Variants in SP4 observed in about 807,000 individuals in gnomAD.
The protein encoded by SP4 is transcription factor Sp4.
A neutral mutation model predicts 72.8 loss-of-function variants in SP4; 19 were observed. The observed-to-expected ratio is 0.26, with a 90% CI of 0.18 to 0.38. SP4 has a LOEUF of 0.38. Ranked by LOEUF, SP4 falls within the 10% of genes least tolerant of loss-of-function variation. The probability of loss-of-function intolerance (pLI) is 1.00; values close to 1 mark genes in which losing one functional copy is unlikely to be tolerated. For synonymous variants in SP4, 395 were observed against 333.1 expected (o/e 1.19, Z -2.02); for missense variants, 1,008 against 926.3 (o/e 1.09, Z -1.14).
intron 3 of SP4, among the ~76,000 whole-genome samples, chr7:21,436,514 G>C (rs2282888): frequency 6.6e-6 from 1 of 152,078 alleles, no homozygotes; most frequent in African/African-American, 2.4e-5. Flanking sequence ...TGTTTTTACT[G>C]TTTGAAGTGA....
chr7:21,434,899 A>C (rs1363202527), intron 3 of SP4, among the ~76,000 whole-genome samples: 2 of 151,966 alleles, frequency 1.3e-5, no homozygotes, highest in Admixed American at 1.3e-4. Context: ...ACCTTACTTT[A>C]AGCTCAAAGA....
intron 5 of SP4, among the ~76,000 whole-genome samples, chr7:21,500,200 G>A (rs1781829634): frequency 6.6e-6 from 1 of 152,084 alleles, no homozygotes; most frequent in Admixed American, 6.5e-5. Flanking sequence ...AGATTTTCAT[G>A]AAGAAATGAA....
At chr7:21,465,173 T>A (rs1198368035) in intron 3 of SP4, among the ~76,000 whole-genome samples, 1 of 152,010 alleles carries the variant, frequency 6.6e-6, no homozygotes, top group Admixed American at 6.5e-5. Flanking sequence ...AAAGAGGGTG[T>A]ATATCTTTGT....
chr7:21,465,364 T>C (rs138697782), intron 3 of SP4, among the ~76,000 whole-genome samples: 61 of 152,284 alleles, frequency 4.0e-4, no homozygotes, highest in African/African-American at 1.5e-3. Flanking sequence ...AAGGAGAGAA[T>C]ATAGCCAACC....
chr7:21,434,131 C>T (rs951628325), intron 3 of SP4, among the ~76,000 whole-genome samples: 2 of 151,988 alleles, frequency 1.3e-5, no homozygotes, highest in South Asian at 4.2e-4. Context: ...ATGTTGTTCC[C>T]CAGGAGAATG....
intron 3 of SP4, among the ~76,000 whole-genome samples, chr7:21,451,237 C>T (rs1349967107): frequency 6.6e-6 from 1 of 152,224 alleles, no homozygotes; most frequent in Non-Finnish European, 1.5e-5. Context: ...ACTCGTCCAA[C>T]TCCTGAGATC....
Position 21,428,198 on chromosome 7 carries a change from C to CCCCCCCCCCCA in SP4, c.-53_-52insCCCCCCCCCAC. Reference sequence around the variant, plus strand: ...CTCTCCTCCCGCCTCGCCCCCACCCCCACCCACCTCTATCCCAGTGTCTCC... The same window carrying CCCCCCCCCCCA: ...CTCTCCTCCCGCCTCGCCCCCACCCCCCCCCCCCCCACACCCACCTCTATCCCAGTGTCTCC... On this transcript the variant is annotated 5_prime_UTR_variant, in exon 1 of 6. Transcript: ENST00000222584. The CCCCCCCCCCCA allele has an allele frequency of 9.1e-7, 1 of 1,099,416 alleles. No homozygotes were observed. 68.1% of individuals were successfully genotyped at this position (1,099,416 alleles called of 1,614,324 possible).
intron 3 of SP4, among the ~76,000 whole-genome samples, chr7:21,448,990 C>T (rs552683227): frequency 5.2e-4 from 79 of 152,242 alleles, no homozygotes; most frequent in African/African-American, 1.8e-3. Flanking sequence ...CCGGGGTTAA[C>T]CATTTCCTAA....
chr7:21,499,822 G>A (rs55840028), intron 5 of SP4, among the ~76,000 whole-genome samples: 3,295 of 152,206 alleles, frequency 0.022, 122 homozygotes, highest in African/African-American at 0.074. Context: ...TTCATACATT[G>A]TCATAGCTTA....
At chr7:21,484,128 A>G (rs949560072) in intron 5 of SP4, among the ~76,000 whole-genome samples, 1 of 151,902 alleles carries the variant, frequency 6.6e-6, no homozygotes, top group African/African-American at 2.4e-5. Context: ...ATATAAAGTT[A>G]TTTAATTTGA....
At chr7:21,510,349 C>A (rs1025409556) in intron 5 of SP4, among the ~76,000 whole-genome samples, 5 of 151,972 alleles carry the variant, frequency 3.3e-5, no homozygotes, top group Non-Finnish European at 4.4e-5. Context: ...AACAAAAAGG[C>A]CTTTTTGTTT....
In SP4 at chr7:21,428,188, G is replaced by GGGGCCCCCCCCCCCCCCCC; in HGVS notation, c.-64_-63insGGGCCCCCCCCCCCCCCCC. The stretch of plus-strand genomic sequence containing the variant: ...CGGGACCGGCCTCTCCTCCCGCCTC[G>GGGGCCCCCCCCCCCCCCCC]CCCCCACCCCCACCCACCTCTATCC... On this transcript the variant is annotated 5_prime_UTR_variant, in exon 1 of 6. Coordinates refer to ENST00000222584, the MANE Select transcript of SP4 (RefSeq NM_003112.5). 2.7e-6 allele frequency: 1 copy of GGGGCCCCCCCCCCCCCCCC among 371,886 alleles called. No individual in the cohort carries two copies. Among genetic ancestry groups the GGGGCCCCCCCCCCCCCCCC allele is most frequent in the Non-Finnish European group, 5.0e-6 (1 of 198,076 alleles). 23.0% of individuals were successfully genotyped at this position (371,886 alleles called of 1,614,324 possible).
At chr7:21,492,485 A>C (rs962650246) in intron 5 of SP4, among the ~76,000 whole-genome samples, 19 of 152,212 alleles carry the variant, frequency 1.2e-4, no homozygotes, top group Admixed American at 1.1e-3. Context: ...CTCAGTCAGT[A>C]TGTATTCTGC....
At position 21,466,760 on chromosome 7, in the gene SP4, A is replaced by G. The variant is rs567352038; in HGVS notation, c.1679-10319A>G. Among the ~76,000 whole-genome samples the G allele has an allele frequency of 3.5e-4, 53 of 152,054 alleles. 2 individuals are homozygous for G. In the South Asian group the frequency reaches 0.01, roughly 30 times the overall value. On this transcript the variant is annotated intron_variant, in intron 3 of 5. Transcript: ENST00000222584. Reference sequence around the variant, plus strand: ...TCCATAAGGCAAAGAAGTATTTTGTAATTAATAAGCATAATTTTCAAATCT... The same window carrying G: ...TCCATAAGGCAAAGAAGTATTTTGTGATTAATAAGCATAATTTTCAAATCT...
chr7:21,471,507 C>T (rs1199217427), intron 3 of SP4, among the ~76,000 whole-genome samples: 1 of 152,178 alleles, frequency 6.6e-6, no homozygotes, highest in Non-Finnish European at 1.5e-5. Flanking sequence ...GGATGTTTTA[C>T]ATACCCCTGA....
chr7:21,438,296 A>G lies in SP4; in HGVS notation c.1678+7453A>G, dbSNP rs555644550. On this transcript the variant is annotated intron_variant, in intron 3 of 5. Transcript: ENST00000222584. ...ATATATATTTTATTTCGTTCTGGGT[A>G]CTTCCATCCAGCACATGGCCAGAGT... 1.1e-4 allele frequency among the ~76,000 whole-genome samples: 16 copies of G among 152,326 alleles called. No homozygotes were observed. In the South Asian group the frequency reaches 3.3e-3, roughly 32 times the overall value.
At chr7:21,470,882 T>G (rs922466922) in intron 3 of SP4, among the ~76,000 whole-genome samples, 2 of 152,154 alleles carry the variant, frequency 1.3e-5, no homozygotes, top group African/African-American at 4.8e-5. Context: ...TCAGTCTGTT[T>G]CACCATAATG....
At chr7:21,463,596 G>T (rs1784069223) in intron 3 of SP4, among the ~76,000 whole-genome samples, 1 of 152,166 alleles carries the variant, frequency 6.6e-6, no homozygotes, top group Non-Finnish European at 1.5e-5. Flanking sequence ...TGAGGATGAA[G>T]ATTGAGTTCA....
chr7:21,441,792 G>T (rs1258345331), intron 3 of SP4, among the ~76,000 whole-genome samples: 6 of 152,094 alleles, frequency 3.9e-5, no homozygotes. Context: ...GAAAGACATG[G>T]TAAGGGATTA....
Sources: gnomAD v4.1 joint callset for allele counts (sites outside exome capture counted in the v4.1 genomes callset) on GRCh38, gnomAD v4.1.1 for gene constraint, MANE v1.5 for transcripts, NCBI Gene and HGNC (gene_info 2026-07-23, HGNC 2026-07-21) for gene names.